Variants in MTCL1 observed in about 807,000 individuals in gnomAD.
MTCL1 encodes microtubule crosslinking factor 1.
In MTCL1, 79 loss-of-function variants were observed where a neutral mutation model predicts 141.4. The observed-to-expected ratio is 0.56, with a 90% CI of 0.47 to 0.67. The LOEUF (loss-of-function observed/expected upper bound fraction) is 0.67. Ranked by LOEUF, MTCL1 falls within the 30% of genes least tolerant of loss-of-function variation. MTCL1 has a pLI of 0.00. For synonymous variants in MTCL1, 914 were observed against 875.8 expected, an observed-to-expected ratio of 1.04 and a Z score of -0.77; for missense variants, 2,177 against 2,113.9, an observed-to-expected ratio of 1.03 and a Z score of -0.59.
intron 4 of MTCL1, among the ~76,000 whole-genome samples, chr18:8,761,631 A>G (rs1478609121): frequency 8.5e-5 from 13 of 152,236 alleles, no homozygotes; most frequent in Admixed American, 8.5e-4. Context: ...ACAATTTACA[A>G]AAGAAACAGC....
At chr18:8,819,409 C>A in intron 13 of MTCL1, 150 bp downstream of exon 12, 1 of 788,372 alleles carries the variant, frequency 1.3e-6, no homozygotes, top group Non-Finnish European at 2.0e-6. Flanking sequence ...GAAATCTTCA[C>A]AACACCAAGG....
chr18:8,729,720 A>G (rs1598414907), intron 4 of MTCL1, among the ~76,000 whole-genome samples: 2 of 84,226 alleles, frequency 2.4e-5, no homozygotes, highest in Non-Finnish European at 5.3e-5. Context: ...ATATATATAT[A>G]TATATATATA....
At chr18:8,784,216 C>G (rs1189697915) in exon 6 of MTCL1, 20 of 1,611,614 alleles carry the variant, frequency 1.2e-5, no homozygotes, top group Non-Finnish European at 1.4e-5. Context: ...ACATCCAGCG[C>G]TGCGACCTGG....
At chr18:8,723,072 G>T (rs1320153313) in intron 4 of MTCL1, among the ~76,000 whole-genome samples, 2 of 152,142 alleles carry the variant, frequency 1.3e-5, no homozygotes, top group Non-Finnish European at 2.9e-5. Flanking sequence ...TTACTGAGAG[G>T]AATTGTTCCA....
At chr18:8,718,563 G>A (rs1314383209) in exon 3 of MTCL1, 12 of 1,613,986 alleles carry the variant, frequency 7.4e-6, no homozygotes, top group East Asian at 2.2e-5. Context: ...TACCGTCTTC[G>A]GAAAGCCGAG....
exon 15 of MTCL1, chr18:8,824,776 C>G: frequency 6.2e-7 from 1 of 1,614,162 alleles, no homozygotes; most frequent in South Asian, 1.1e-5. Flanking sequence ...AAGGGCCTGC[C>G]GTCCACCAGC....
intron 4 of MTCL1, among the ~76,000 whole-genome samples, 195 bp downstream of exon 3, chr18:8,720,691 A>G (rs2096165015): frequency 6.6e-6 from 1 of 152,252 alleles, no homozygotes; most frequent in African/African-American, 2.4e-5. Flanking sequence ...CAAAACTCAC[A>G]GGAAAGAAAG....
intron 7 of MTCL1, chr18:8,789,659 T>A (rs1336041312): frequency 2.0e-6 from 2 of 985,380 alleles, no homozygotes; most frequent in East Asian, 2.3e-4. Flanking sequence ...AGGGTGGTGG[T>A]GGTTTAGATA....
exon 15 of MTCL1, chr18:8,825,870 C>A: frequency 1.2e-6 from 2 of 1,614,154 alleles, no homozygotes; most frequent in Non-Finnish European, 1.7e-6. Context: ...TGACCACAGC[C>A]CCGTGGTGCA....
intron 14 of MTCL1, among the ~76,000 whole-genome samples, chr18:8,823,729 G>C (rs117744436): frequency 6.6e-6 from 1 of 152,192 alleles, no homozygotes; most frequent in Non-Finnish European, 1.5e-5. Flanking sequence ...CACATGGACG[G>C]GTGCCTTGCC....
At chr18:8,744,922 G>A (rs1317855729) in intron 4 of MTCL1, among the ~76,000 whole-genome samples, 1 of 152,208 alleles carries the variant, frequency 6.6e-6, no homozygotes, top group East Asian at 1.9e-4. Context: ...GTGTTTGGGA[G>A]GGGGTGGCCC....
At chr18:8,732,804 C>A (rs1445455698) in intron 4 of MTCL1, among the ~76,000 whole-genome samples, 1 of 152,096 alleles carries the variant, frequency 6.6e-6, no homozygotes, top group African/African-American at 2.4e-5. Context: ...TGGTTATTCT[C>A]CCCTGAAAGA....
At chr18:8,791,977 C>A (rs1268705625) in intron 7 of MTCL1, among the ~76,000 whole-genome samples, 2 of 152,124 alleles carry the variant, frequency 1.3e-5, no homozygotes, top group Non-Finnish European at 2.9e-5. Context: ...GTGCTCTGCT[C>A]TTTTATTTTT....
chr18:8,775,409 A>T (rs918830591), intron 4 of MTCL1, among the ~76,000 whole-genome samples: 4 of 125,252 alleles, frequency 3.2e-5, no homozygotes, highest in Admixed American at 7.8e-5. Context: ...CGTCTCTACT[A>T]AAAAAAAAAA....
At chr18:8,709,787 A>G (rs2096076777) in intron 1 of MTCL1, among the ~76,000 whole-genome samples, 1 of 152,222 alleles carries the variant, frequency 6.6e-6, no homozygotes, top group Admixed American at 6.5e-5. Flanking sequence ...GGATCAGGAC[A>G]TTTAAGTGGA....
exon 17 of MTCL1, chr18:8,831,654 CAGGCCCGAG>C: frequency 6.4e-7 from 1 of 1,550,598 alleles, no homozygotes; most frequent in Non-Finnish European, 8.7e-7. Flanking sequence ...CCTGCTTCTC[CAGGCCCGAG>C]AGACCAGCAA....
intron 12 of MTCL1, among the ~76,000 whole-genome samples, chr18:8,816,942 A>T (rs2076674426): frequency 6.6e-6 from 1 of 152,222 alleles, no homozygotes. Flanking sequence ...GCATCTTAGC[A>T]GCAGATATCT....
chr18:8,716,120 T>C (rs191410440), upstream of MTCL1, among the ~76,000 whole-genome samples: 1 of 152,376 alleles, frequency 6.6e-6, no homozygotes, highest in East Asian at 1.9e-4. Context: ...TTGATCTTTC[T>C]TAAGACACAT....
upstream of MTCL1, among the ~76,000 whole-genome samples, chr18:8,714,852 A>G (rs1755814497): frequency 6.6e-6 from 1 of 151,698 alleles, no homozygotes; most frequent in Non-Finnish European, 1.5e-5. Context: ...GCTGGAGTGC[A>G]GTGGCGCGAT....
Sources: gnomAD v4.1 joint callset for allele counts (sites outside exome capture counted in the v4.1 genomes callset) on GRCh38, gnomAD v4.1.1 for gene constraint, MANE v1.5 for transcripts, NCBI Gene and HGNC (gene_info 2026-07-23, HGNC 2026-07-21) for gene names.